Variants in JAK2 observed in about 807,000 individuals in gnomAD.
JAK2 encodes Janus kinase 2, also known as tyrosine-protein kinase JAK2.
JAK2 carries 86 observed loss-of-function variants against 139.3 expected under a neutral mutation model. That is an observed-to-expected ratio of 0.62 (90% CI 0.52 to 0.74). The LOEUF (loss-of-function observed/expected upper bound fraction) is 0.74. Among genes scored for constraint, JAK2 ranks in the 30% least tolerant of loss-of-function variants. JAK2 has a pLI of 0.00. For missense variants in JAK2, 1,421 were observed against 1,360.3 expected (o/e 1.04, Z -0.70); for synonymous variants, 490 against 437.7 (o/e 1.12, Z -1.49).
chr9:5,012,683 A>G (rs535557800), intron 2 of JAK2, among the ~76,000 whole-genome samples: 6 of 152,216 alleles, frequency 3.9e-5, no homozygotes, highest in African/African-American at 9.6e-5. Flanking sequence ...GGATTTTTCT[A>G]CCTGCTAAGA....
At chr9:5,070,615 T>C (rs910670173) in intron 12 of JAK2, among the ~76,000 whole-genome samples, 4 of 152,270 alleles carry the variant, frequency 2.6e-5, no homozygotes, top group Admixed American at 2.0e-4. Flanking sequence ...CAGGACTTGC[T>C]GTGTCACCCA....
At chr9:5,041,700 T>C in intron 4 of JAK2, 1 of 506,862 alleles carries the variant, frequency 2.0e-6, no homozygotes, top group Admixed American at 2.2e-5. Flanking sequence ...CGGCTTCGTG[T>C]TCGACTCTGA....
chr9:5,021,963 G>T lies in JAK2; in HGVS notation c.-25G>T, dbSNP rs1466973306. 6.5e-7 allele frequency: 1 copy of T among 1,546,492 alleles called. No individual in the cohort carries two copies. The highest frequency in any genetic ancestry group is 1.4e-5 in the African/African-American group (1 of 73,564). ...GTAACTTTATTGTTTTCTCTTACAG[G>T]CAAATGTTCTGAAAAAGACTCTGCA... On this transcript the variant is annotated splice_region_variant and 5_prime_UTR_variant, in exon 3 of 25. Coordinates refer to ENST00000381652, the MANE Select transcript of JAK2 (RefSeq NM_004972.4).
At chr9:5,102,385 G>T (rs1217744715) in intron 22 of JAK2, among the ~76,000 whole-genome samples, 1 of 152,164 alleles carries the variant, frequency 6.6e-6, no homozygotes, top group African/African-American at 2.4e-5. Flanking sequence ...AGAAATACAG[G>T]ACTATGTGAA....
chr9:5,116,855 T>G (rs1371935833), intron 22 of JAK2, among the ~76,000 whole-genome samples: 1 of 152,230 alleles, frequency 6.6e-6, no homozygotes, highest in African/African-American at 2.4e-5. Context: ...AATATGGCAC[T>G]TTCAATAATT....
At chr9:5,003,666 T>C (rs141100106) in intron 2 of JAK2, among the ~76,000 whole-genome samples, 2 of 152,226 alleles carry the variant, frequency 1.3e-5, no homozygotes, top group Non-Finnish European at 2.9e-5. Flanking sequence ...ACAATTTTAC[T>C]TATCCTTTCT....
intron 13 of JAK2, 56 bp downstream of exon 13, chr9:5,072,682 CAT>C: frequency 7.5e-7 from 1 of 1,330,474 alleles, no homozygotes; most frequent in East Asian, 2.5e-5. Flanking sequence ...GATGTGCTCT[CAT>C]ATGCATACAA....
At chr9:5,002,388 G>A (rs942392225) in intron 2 of JAK2, among the ~76,000 whole-genome samples, 8 of 151,616 alleles carry the variant, frequency 5.3e-5, no homozygotes, top group African/African-American at 9.7e-5. Flanking sequence ...TTTCTTCTTC[G>A]AACCTGGGAT....
chr9:5,041,092 G>A (rs773014945), intron 4 of JAK2: 34 of 718,010 alleles, frequency 4.7e-5, no homozygotes, highest in Non-Finnish European at 8.1e-5. Context: ...CTACAGCCTG[G>A]AGGACCTGTT....
At chr9:5,001,055 A>G (rs777971450) in intron 2 of JAK2, among the ~76,000 whole-genome samples, 1 of 152,240 alleles carries the variant, frequency 6.6e-6, no homozygotes, top group Non-Finnish European at 1.5e-5. Context: ...TTTGTGATGT[A>G]TCCTGTGATA....
chr9:5,102,518 T>G (rs574842290), intron 22 of JAK2, among the ~76,000 whole-genome samples: 1 of 152,210 alleles, frequency 6.6e-6, no homozygotes, highest in East Asian at 1.9e-4. Context: ...CAGGCCAACA[T>G]TCAAATTCAG....
rs933373430 is a variant in JAK2, at chr9:5,064,868, C to T, written c.1057-15C>T. 1.3e-6 allele frequency: 2 copies of T among 1,506,026 alleles called. No homozygotes were observed. Among genetic ancestry groups the T allele is most frequent in the Admixed American group, 2.2e-5 (1 of 44,530 alleles). The allele number at this position is 1,506,026 out of a possible 1,614,324, so 93.3% of individuals were successfully genotyped here. ...TTTCTAAAAGGTGCTATTTCTTTTT[C>T]TTTTCTCTGCTTAGGAAATTGAACT... On this transcript the variant is annotated splice_polypyrimidine_tract_variant and intron_variant, in intron 8 of 24. Coordinates refer to ENST00000381652, the MANE Select transcript of JAK2 (RefSeq NM_004972.4).
At chr9:5,089,399 G>T (rs1984743) in intron 19 of JAK2, among the ~76,000 whole-genome samples, 698 of 152,072 alleles carry the variant, frequency 4.6e-3, no homozygotes, top group Non-Finnish European at 7.6e-3. Flanking sequence ...TTAGCTGGGC[G>T]TATTGGCGGG....
intron 8 of JAK2, among the ~76,000 whole-genome samples, chr9:5,059,648 A>G (rs375689730): frequency 8.9e-4 from 135 of 152,290 alleles, no homozygotes; most frequent in African/African-American, 3.0e-3. Context: ...TAGTTCTATC[A>G]GTTCACTCTT....
chr9:5,115,294 A>G, intron 22 of JAK2, among the ~76,000 whole-genome samples: 1 of 152,232 alleles, frequency 6.6e-6, no homozygotes, highest in Non-Finnish European at 1.5e-5. Flanking sequence ...TATGTGGCCA[A>G]CAAACATATG....
chr9:5,043,917 T>G (rs186922885), intron 4 of JAK2, among the ~76,000 whole-genome samples: 25 of 152,296 alleles, frequency 1.6e-4, no homozygotes, highest in Admixed American at 6.5e-4. Context: ...AACATTGAAT[T>G]TTACACTTTA....
At chr9:5,074,971 C>T (rs772416342) in intron 14 of JAK2, among the ~76,000 whole-genome samples, 1 of 152,168 alleles carries the variant, frequency 6.6e-6, no homozygotes, top group Non-Finnish European at 1.5e-5. Flanking sequence ...ACATAAATTA[C>T]AAGAAAGTGA....
chr9:5,117,748 A>C (rs1326576550), intron 22 of JAK2, among the ~76,000 whole-genome samples: 1 of 152,022 alleles, frequency 6.6e-6, no homozygotes, highest in Non-Finnish European at 1.5e-5. Context: ...CACAGAAACA[A>C]AAGTTTTTTG....
intron 2 of JAK2, among the ~76,000 whole-genome samples, chr9:5,004,759 G>A (rs758961785): frequency 1.3e-5 from 2 of 151,920 alleles, no homozygotes; most frequent in Non-Finnish European, 2.9e-5. Flanking sequence ...GTATACAAGA[G>A]TTTCTTTTTC....
Sources: allele counts gnomAD v4.1 joint callset (sites outside exome capture counted in the v4.1 genomes callset), GRCh38; gene constraint gnomAD v4.1.1; transcripts MANE v1.5; gene names NCBI Gene and HGNC (gene_info 2026-07-23, HGNC 2026-07-21).